HIVEP3: variants seen among roughly 807,000 people sequenced by gnomAD.
HIVEP3 encodes transcription factor HIVEP3.
A neutral mutation model predicts 152.8 loss-of-function variants in HIVEP3; 49 were observed. The ratio of observed to expected loss-of-function variants is 0.32; its 90% confidence interval spans 0.26 to 0.41. The LOEUF is 0.41. Ranked by LOEUF, HIVEP3 falls within the 10% of genes least tolerant of loss-of-function variation. The pLI, the probability that HIVEP3 is intolerant of heterozygous loss-of-function variation, is 1.00. For missense variants in HIVEP3, 2,790 were observed against 3,103.3 expected (o/e 0.90, Z 2.40); for synonymous variants, 1,269 against 1,289.0 (o/e 0.98, Z 0.33).
intron 1 of HIVEP3, among the ~76,000 whole-genome samples, chr1:41,968,816 A>T (rs1645213307): frequency 6.6e-6 from 1 of 152,152 alleles, no homozygotes; most frequent in Admixed American, 6.5e-5. Flanking sequence ...AACACCATCA[A>T]CTTAGCCCAA....
chr1:41,707,420 G>A (rs767648708), intron 1 of HIVEP3, among the ~76,000 whole-genome samples: 6 of 152,210 alleles, frequency 3.9e-5, no homozygotes, highest in Non-Finnish European at 7.3e-5. Context: ...CTTGGGTGGG[G>A]CAAGAAAGGA....
At chr1:41,762,800 C>G (rs1647780482) in intron 1 of HIVEP3, among the ~76,000 whole-genome samples, 1 of 152,250 alleles carries the variant, frequency 6.6e-6, no homozygotes, top group Non-Finnish European at 1.5e-5. Flanking sequence ...GGGGCATCAC[C>G]AGCCATGAAG....
chr1:41,780,966 G>A (rs1226173067), intron 1 of HIVEP3, among the ~76,000 whole-genome samples: 1 of 152,158 alleles, frequency 6.6e-6, no homozygotes, highest in Non-Finnish European at 1.5e-5. Flanking sequence ...CAAAAACAGA[G>A]AATTTTAATT....
At chr1:41,726,815 G>A (rs1179986975) in intron 1 of HIVEP3, among the ~76,000 whole-genome samples, 1 of 152,176 alleles carries the variant, frequency 6.6e-6, no homozygotes, top group Admixed American at 6.5e-5. Flanking sequence ...CAGAGCTGTC[G>A]AACAATGGAG....
intron 1 of HIVEP3, among the ~76,000 whole-genome samples, chr1:41,884,936 C>A (rs1644320580): frequency 1.3e-5 from 2 of 152,190 alleles, no homozygotes; most frequent in African/African-American, 4.8e-5. Context: ...CCCAACCATT[C>A]CTCTTCAGAT....
chr1:41,620,251 G>GGCCAGGAGCACAAACCTCAA (rs1553238049), intron 3 of HIVEP3, among the ~76,000 whole-genome samples: 1 of 152,154 alleles, frequency 6.6e-6, no homozygotes, highest in Non-Finnish European at 1.5e-5. Context: ...CAGCTACGCT[G>GGCCAGGAGCACAAACCTCAA]GCCAGGAGCA....
chr1:41,897,978 A>AGAGAGAGG (rs1644560747), intron 1 of HIVEP3, among the ~76,000 whole-genome samples: 1 of 139,124 alleles, frequency 7.2e-6, no homozygotes, highest in African/African-American at 2.8e-5. Context: ...AGAGAGAGAG[A>AGAGAGAGG]GAGGTGCTGG....
chr1:41,543,508 A>G (rs1255203359), intron 5 of HIVEP3: 1 of 152,216 alleles, frequency 6.6e-6, no homozygotes, highest in Non-Finnish European at 1.5e-5. Context: ...TCCCAGTCAC[A>G]TGTGGGTAAC....
chr1:41,628,632 C>T (rs374518900), intron 3 of HIVEP3, 117 bp downstream of exon 3: 23 of 847,350 alleles, frequency 2.7e-5, no homozygotes, highest in East Asian at 6.7e-5. Flanking sequence ...AGAAAGGCAA[C>T]GATAACACTA....
At chr1:41,717,628 GGT>G (rs1430754184) in intron 1 of HIVEP3, among the ~76,000 whole-genome samples, 5 of 152,318 alleles carry the variant, frequency 3.3e-5, no homozygotes, top group African/African-American at 1.2e-4. Context: ...GAATAAGCCT[GGT>G]GTGTTTCTCT....
intron 1 of HIVEP3, among the ~76,000 whole-genome samples, chr1:41,713,124 C>T (rs1374275095): frequency 6.6e-6 from 1 of 152,184 alleles, no homozygotes; most frequent in African/African-American, 2.4e-5. Flanking sequence ...AATAAAAGGC[C>T]CCCAGGAGCC....
intron 1 of HIVEP3, among the ~76,000 whole-genome samples, chr1:41,818,626 G>A (rs1642485382): frequency 6.6e-6 from 1 of 152,154 alleles, no homozygotes; most frequent in Admixed American, 6.5e-5. Context: ...GAAAGTACAA[G>A]GTTGTGGGGA....
intron 1 of HIVEP3, among the ~76,000 whole-genome samples, chr1:41,867,356 A>G (rs967882956): frequency 6.6e-6 from 1 of 152,242 alleles, no homozygotes; most frequent in African/African-American, 2.4e-5. Flanking sequence ...CTCTTTAGAA[A>G]TGTAAGAATC....
chr1:41,596,951 C>A (rs941705149), intron 3 of HIVEP3, among the ~76,000 whole-genome samples: 4 of 152,166 alleles, frequency 2.6e-5, no homozygotes, highest in Non-Finnish European at 4.4e-5. Flanking sequence ...CCATGTTAAC[C>A]TTAGGGCTGA....
At chr1:41,941,444 A>G (rs868535857) in intron 1 of HIVEP3, among the ~76,000 whole-genome samples, 5 of 152,248 alleles carry the variant, frequency 3.3e-5, no homozygotes, top group Middle Eastern at 3.4e-3. Flanking sequence ...CACACTACAG[A>G]GAAGAAGGAA....
intron 1 of HIVEP3, among the ~76,000 whole-genome samples, chr1:41,743,112 G>GTGGGGTA (rs139882613): frequency 7.2e-5 from 11 of 151,768 alleles, no homozygotes; most frequent in African/African-American, 1.5e-4. Context: ...AAAGGCTGCG[G>GTGGGGTA]TGGGGTATGG....
In HIVEP3 at chr1:41,906,327, G is replaced by A. The variant is rs556807227; in HGVS notation, c.-801+12086C>T. ...CTGTCTGAAAAAAAAAAAATCCTGT[G>A]GCATATCCAGACAATGGAATACCAT... On this transcript the variant is annotated intron_variant, in intron 1 of 8. Coordinates refer to ENST00000372583, the MANE Select transcript of HIVEP3 (RefSeq NM_024503.5). Among the ~76,000 whole-genome samples the A allele has an allele frequency of 5.3e-5, 8 of 151,728 alleles. No homozygotes were observed. In the East Asian group the frequency reaches 1.5e-3, roughly 29 times the overall value.
At chr1:41,579,700 A>C in intron 4 of HIVEP3, 37 bp downstream of exon 4, 1 of 1,513,904 alleles carries the variant, frequency 6.6e-7, no homozygotes, top group Non-Finnish European at 8.8e-7. Flanking sequence ...GTGCTTTTGC[A>C]AATCAGTGAT....
In HIVEP3 at chr1:41,577,525, T is replaced by G. The variant is rs181272647; in HGVS notation, c.5062-1836A>C. 1.1e-3 allele frequency among the ~76,000 whole-genome samples: 172 copies of G among 152,300 alleles called. 1 individual carries two copies. The highest frequency in any genetic ancestry group is 6.8e-3 in the Middle Eastern group (2 of 294). ...CCCAAGGAGGAAAAAGGAAAGAATG[T>G]GGCTACAAAGTGGACTCTGAACAAG... On this transcript the variant is annotated intron_variant, in intron 4 of 8. Transcript: ENST00000372583.
Sources: gnomAD v4.1 joint callset for allele counts (sites outside exome capture counted in the v4.1 genomes callset) on GRCh38, gnomAD v4.1.1 for gene constraint, MANE v1.5 for transcripts, NCBI Gene and HGNC (gene_info 2026-07-23, HGNC 2026-07-21) for gene names.